The following C10orf90 variants were observed in gnomAD, a reference collection of about 807,000 sequenced individuals.
The protein encoded by C10orf90 is (E2-independent) E3 ubiquitin-conjugating enzyme FATS.
Under a neutral mutation model 62.5 loss-of-function variants are expected in C10orf90, and 56 were observed. The ratio of observed to expected loss-of-function variants is 0.90; its 90% CI spans 0.72 to 1.12. The LOEUF is 1.12. C10orf90 is among the 50% of genes most tolerant of loss of function. The pLI is 0.00. For missense variants in C10orf90, 970 were observed against 880.4 expected, an observed-to-expected ratio of 1.10 and a Z score of -1.29; for synonymous variants, 386 against 340.4, an observed-to-expected ratio of 1.13 and a Z score of -1.47.
At chr10:126,440,428 C>T (rs1365918232) in intron 7 of C10orf90, among the ~76,000 whole-genome samples, 1 of 152,094 alleles carries the variant, frequency 6.6e-6, no homozygotes, top group Non-Finnish European at 1.5e-5. Context: ...CCCAGCTCTG[C>T]CCCCAGCTGA....
chr10:126,596,818 A>G (rs1014261662), intron 2 of C10orf90, among the ~76,000 whole-genome samples: 3 of 152,260 alleles, frequency 2.0e-5, no homozygotes, highest in Non-Finnish European at 4.4e-5. Context: ...TTGAACCATC[A>G]TAAGTTGGGG....
rs547667004 is a variant in C10orf90 at position 126,496,773 on chromosome 10, G to A, written c.1534+7184C>T. On this transcript the variant is annotated intron_variant, in intron 4 of 9. Transcript: ENST00000488181. ...AAACACATCAAGCACTTAAGGGATC[G>A]TGACATAAGCATGGGCTTTGTTGGG... The A allele has an allele frequency of 1.2e-4, 115 of 933,626 alleles. 1 individual carries two copies. The South Asian group carries it at 3.3e-3, about 26-fold the overall frequency. The allele number at this position is 933,626 out of a possible 1,614,324, so 57.8% of individuals were successfully genotyped here.
At chr10:126,432,244 T>G (rs2133990942) in intron 7 of C10orf90, among the ~76,000 whole-genome samples, 1 of 152,292 alleles carries the variant, frequency 6.6e-6, no homozygotes, top group African/African-American at 2.4e-5. Context: ...CTTTGGGCAC[T>G]TTGAGAGAGA....
chr10:126,455,489 G>A (rs555625146), intron 7 of C10orf90, among the ~76,000 whole-genome samples: 1 of 152,308 alleles, frequency 6.6e-6, no homozygotes, highest in Non-Finnish European at 1.5e-5. Context: ...TCCCCACAAG[G>A]TGGGCAGACT....
Position 126,572,005 on chromosome 10 carries a change from G to A in C10orf90, c.314-58066C>T, listed in dbSNP as rs925229547. ...CCTTCTGATGCCCTGGTCCGGCATC[G>A]ATGCTTAGTACATTTGTCAGAGGCA... On this transcript the variant is annotated intron_variant, in intron 2 of 9. Transcript: ENST00000488181. Among the ~76,000 whole-genome samples the A allele has an allele frequency of 2.6e-5, 4 of 152,118 alleles. No individual in the cohort carries two copies. In the East Asian group the frequency reaches 5.8e-4, roughly 22 times the overall value.
At chr10:126,572,688 G>A (rs928751789) in intron 2 of C10orf90, among the ~76,000 whole-genome samples, 2 of 152,004 alleles carry the variant, frequency 1.3e-5, no homozygotes, top group Admixed American at 6.6e-5. Flanking sequence ...ATTTTGTCCC[G>A]ACCTCCTATC....
At chr10:126,428,462 C>G (rs1192616794) in intron 8 of C10orf90, among the ~76,000 whole-genome samples, 1 of 152,118 alleles carries the variant, frequency 6.6e-6, no homozygotes, top group African/African-American at 2.4e-5. Context: ...AGAGTCAGAG[C>G]CCACCCAAAG....
rs896127631 is a variant in C10orf90, at chr10:126,432,908, C to T, written c.2189-3058G>A. Among the ~76,000 whole-genome samples, 6 of 152,178 alleles carry T rather than the reference C, an allele frequency of 3.9e-5. No individual in the cohort carries two copies. The South Asian group carries it at 6.2e-4, about 16-fold the overall frequency. On this transcript the variant is annotated intron_variant, in intron 7 of 9. Coordinates refer to ENST00000488181, the MANE Select transcript of C10orf90 (RefSeq NM_001350921.2). Reference sequence around the variant, plus strand: ...CTTTGCAATCCTGTTAAGGAGTTGCCTTCAGAGTAAGAGAGTTGGAGAGCC... The same window carrying T: ...CTTTGCAATCCTGTTAAGGAGTTGCTTTCAGAGTAAGAGAGTTGGAGAGCC...
At chr10:126,669,148 T>C (rs1016932189) in intron 1 of C10orf90, among the ~76,000 whole-genome samples, 3 of 152,248 alleles carry the variant, frequency 2.0e-5, no homozygotes, top group African/African-American at 7.2e-5. Context: ...TTCTTTCAAT[T>C]ATATTCTAAT....
chr10:126,638,596 C>T (rs1591165133), intron 2 of C10orf90, among the ~76,000 whole-genome samples: 1 of 152,144 alleles, frequency 6.6e-6, no homozygotes, highest in Non-Finnish European at 1.5e-5. Flanking sequence ...GGCCTAACAT[C>T]GAGGTCCAGT....
At chr10:126,577,144 T>C (rs7921405) in intron 2 of C10orf90, among the ~76,000 whole-genome samples, 3,724 of 151,990 alleles carry the variant, frequency 0.025, 145 homozygotes, top group African/African-American at 0.084. Context: ...TGGGAGGATA[T>C]TGAATACTCC....
At chr10:126,647,904 T>C (rs7921079) in intron 1 of C10orf90, among the ~76,000 whole-genome samples, 14,480 of 152,212 alleles carry the variant, frequency 0.095, 699 homozygotes, top group South Asian at 0.15. Flanking sequence ...AGGAATCAGA[T>C]TGGGCCAGCT....
intron 2 of C10orf90, among the ~76,000 whole-genome samples, chr10:126,543,972 T>C (rs1252819592): frequency 3.3e-5 from 5 of 152,168 alleles, no homozygotes; most frequent in African/African-American, 1.2e-4. Context: ...TAGGTAGGAC[T>C]AGGGCAAGCT....
intron 2 of C10orf90, among the ~76,000 whole-genome samples, chr10:126,619,876 G>A (rs12774836): frequency 0.055 from 8,429 of 152,142 alleles, 272 homozygotes; most frequent in Middle Eastern, 0.12. Context: ...CCTGGGATCC[G>A]CCCACCTTAG....
At chr10:126,499,696 G>A (rs1862268783) in intron 4 of C10orf90, among the ~76,000 whole-genome samples, 1 of 152,178 alleles carries the variant, frequency 6.6e-6, no homozygotes, top group African/African-American at 2.4e-5. Flanking sequence ...TTATTCACTA[G>A]TGATGCTAAA....
intron 3 of C10orf90, 47 bp downstream of exon 3, chr10:126,513,801 A>T: frequency 8.4e-7 from 1 of 1,190,552 alleles, no homozygotes; most frequent in Non-Finnish European, 1.2e-6. Flanking sequence ...TATTTTATAG[A>T]TGGGTGCATT....
chr10:126,434,463 G>T (rs886732310), intron 7 of C10orf90, among the ~76,000 whole-genome samples: 1 of 152,104 alleles, frequency 6.6e-6, no homozygotes, highest in African/African-American at 2.4e-5. Flanking sequence ...AAGTTCACAC[G>T]ATTTATTAGG....
At chr10:126,466,202 G>C (rs1486181205) in intron 4 of C10orf90, among the ~76,000 whole-genome samples, 3 of 152,054 alleles carry the variant, frequency 2.0e-5, no homozygotes, top group Non-Finnish European at 4.4e-5. Flanking sequence ...TAGCCTTCCT[G>C]TGTGTTGGGA....
Position 126,459,157 on chromosome 10 carries a change from G to T in C10orf90, c.2071C>A (p.Leu691Ile), listed in dbSNP as rs1163461618. Reference protein sequence around the residue: ...ISRSQERLKKLEHMVQQRKAQ... With the variant: ...ISRSQERLKKIEHMVQQRKAQ... ...TTCCTCTGCTGGACCATGTGTTCAA[G>T]CTTCTTCAGCCGTTCTTGTGAGCGA... Residue 691 changes from leucine (L) to isoleucine (I), a missense_variant, in exon 7 of 10, where the codon CTT becomes ATT. Transcript: ENST00000488181. The T allele has an allele frequency of 6.2e-7, 1 of 1,614,184 alleles. No homozygotes were observed.
Sources: gnomAD v4.1 joint callset for allele counts (sites outside exome capture counted in the v4.1 genomes callset) on GRCh38, gnomAD v4.1.1 for gene constraint, MANE v1.5 for transcripts, NCBI Gene and HGNC (gene_info 2026-07-23, HGNC 2026-07-21) for gene names.